The following GNG4 variants were observed in gnomAD, a reference collection of about 807,000 sequenced individuals.
The protein encoded by GNG4 is G protein subunit gamma 4.
In GNG4, 4 loss-of-function variants were observed where a neutral mutation model predicts 5.8. The ratio of observed to expected loss-of-function variants is 0.69; its 90% CI spans 0.34 to 1.57. GNG4 has a LOEUF of 1.57. Ranked by LOEUF, GNG4 falls within the 40% of genes most tolerant of loss-of-function variation. The probability of loss-of-function intolerance (pLI) is 0.06; values close to 1 mark genes in which losing one functional copy is unlikely to be tolerated. For synonymous variants in GNG4, 29 were observed against 32.9 expected (o/e 0.88, Z 0.41); for missense variants, 96 against 95.1 (o/e 1.01, Z -0.04).
rs149772645 is a variant in GNG4, at chr1:235,560,303, G to A, written c.100-8066C>T. ...CTAATGAGAAGTTATTAGGTGATGA[G>A]GGCTCTGTTCTCATGAATGGATTAA... On this transcript the variant is annotated intron_variant, in intron 3 of 3. Coordinates refer to ENST00000391854, the MANE Select transcript of GNG4 (RefSeq NM_001098722.2). Among the ~76,000 whole-genome samples the A allele has an allele frequency of 6.2e-4, 94 of 152,298 alleles. 2 individuals carry two copies. The East Asian group carries it at 0.012, about 19-fold the overall frequency.
intron 2 of GNG4, among the ~76,000 whole-genome samples, chr1:235,594,053 T>C (rs973335418): frequency 2.6e-5 from 4 of 152,262 alleles, no homozygotes; most frequent in Admixed American, 1.3e-4. Flanking sequence ...AGCTGATTGG[T>C]CCGTTTTGAC....
chr1:235,616,072 A>G (rs188980882), intron 1 of GNG4: 11 of 399,070 alleles, frequency 2.8e-5, no homozygotes, highest in Non-Finnish European at 4.9e-5. Flanking sequence ...AGGAGTTCCC[A>G]CATGACTTTG....
intron 2 of GNG4, among the ~76,000 whole-genome samples, chr1:235,587,486 AT>A (rs1687818853): frequency 4.3e-3 from 1 of 232 alleles, no homozygotes. Context: ...GAGAGTGTGG[AT>A]GGGGGGTGGG....
intron 3 of GNG4, among the ~76,000 whole-genome samples, chr1:235,556,077 G>A (rs1243091460): frequency 6.6e-6 from 1 of 151,778 alleles, no homozygotes; most frequent in Non-Finnish European, 1.5e-5. Context: ...ATGTTGGCCG[G>A]GCTGGTCTCG....
chr1:235,592,123 C>T (rs1227435695), intron 2 of GNG4, among the ~76,000 whole-genome samples: 5 of 152,220 alleles, frequency 3.3e-5, no homozygotes, highest in African/African-American at 1.2e-4. Context: ...TTTCAGAAAC[C>T]CGGCCCCCTA....
intron 1 of GNG4, among the ~76,000 whole-genome samples, chr1:235,597,185 T>C (rs1688142922): frequency 6.6e-6 from 1 of 152,244 alleles, no homozygotes; most frequent in South Asian, 2.1e-4. Flanking sequence ...GTTTTCCGAA[T>C]GCTCTGCCCT....
chr1:235,630,231 T>C (rs908623622), intron 1 of GNG4, among the ~76,000 whole-genome samples: 44 of 152,248 alleles, frequency 2.9e-4, no homozygotes, highest in African/African-American at 9.6e-4. Context: ...AAACGCACAC[T>C]CACAAAAGAG....
At chr1:235,557,071 C>T (rs1338712800) in intron 3 of GNG4, among the ~76,000 whole-genome samples, 1 of 152,198 alleles carries the variant, frequency 6.6e-6, no homozygotes, top group East Asian at 1.9e-4. Context: ...CCGCTGCTCA[C>T]TTCCTGCTGT....
At chr1:235,612,063 C>T (rs1441800695) in intron 1 of GNG4, among the ~76,000 whole-genome samples, 3 of 11,160 alleles carry the variant, frequency 2.7e-4, no homozygotes, top group Non-Finnish European at 4.1e-4. Flanking sequence ...GACTTTGTCT[C>T]ACAAAAAAAA....
chr1:235,645,941 G>A (rs1402354812), intron 1 of GNG4, among the ~76,000 whole-genome samples: 1 of 152,152 alleles, frequency 6.6e-6, no homozygotes, highest in African/African-American at 2.4e-5. Flanking sequence ...CTGTACATTA[G>A]GCAGGGGCAC....
chr1:235,579,156 A>T (rs1687559132), intron 3 of GNG4, among the ~76,000 whole-genome samples: 2 of 152,120 alleles, frequency 1.3e-5, no homozygotes, highest in Admixed American at 6.6e-5. Context: ...ATTGCACATC[A>T]TGGTGACTAC....
At chr1:235,624,104 C>CTT (rs34430706) in intron 1 of GNG4, among the ~76,000 whole-genome samples, 9 of 138,872 alleles carry the variant, frequency 6.5e-5, no homozygotes, top group Non-Finnish European at 1.2e-4. Context: ...TGGCCAATTC[C>CTT]TTTTTTTTTT....
chr1:235,550,395 G>C lies in GNG4; in HGVS notation c.*1714C>G, dbSNP rs1287686385. On this transcript the variant is annotated 3_prime_UTR_variant, in exon 4 of 4. Transcript: ENST00000391854. ...ACCTGGAAGGTAGCACAGTTCAGGG[G>C]GCTAAGGGAACTCTGGGGCCGGGCT... The C allele has an allele frequency of 1.3e-5, 2 of 152,372 alleles. No homozygotes were observed. The highest frequency in any genetic ancestry group is 2.9e-5 in the Non-Finnish European group (2 of 68,184). 9.4% of individuals were successfully genotyped at this position (152,372 alleles called of 1,614,324 possible).
intron 3 of GNG4, among the ~76,000 whole-genome samples, chr1:235,562,647 G>GA (rs1286012762): frequency 0.051 from 1,097 of 21,670 alleles, 17 homozygotes; most frequent in African/African-American, 0.15. Context: ...TCTGTCTCAA[G>GA]AAAAAAAAAA....
chr1:235,600,399 G>T (rs1395921823), intron 1 of GNG4, among the ~76,000 whole-genome samples: 1 of 151,374 alleles, frequency 6.6e-6, no homozygotes, highest in Non-Finnish European at 1.5e-5. Flanking sequence ...ACAGGCGTGA[G>T]CCATGGCGCC....
chr1:235,580,754 T>G (rs1029374727), intron 3 of GNG4, among the ~76,000 whole-genome samples: 7 of 147,520 alleles, frequency 4.7e-5, no homozygotes, highest in Non-Finnish European at 1.0e-4. Flanking sequence ...TTGTTTTTTT[T>G]TTTTTTTTTT....
chr1:235,596,192 A>AAAACAAAC (rs61439937), intron 1 of GNG4, among the ~76,000 whole-genome samples: 1 of 143,094 alleles, frequency 7.0e-6, no homozygotes, highest in African/African-American at 2.6e-5. Flanking sequence ...AAACAAAACA[A>AAAACAAAC]AAACAAACAA....
At chr1:235,624,174 C>T (rs1301978856) in intron 1 of GNG4, among the ~76,000 whole-genome samples, 1 of 150,954 alleles carries the variant, frequency 6.6e-6, no homozygotes, top group African/African-American at 2.4e-5. Context: ...GTGATCTTGG[C>T]TCACTGCAAC....
intron 3 of GNG4, among the ~76,000 whole-genome samples, chr1:235,582,297 C>G (rs1258494455): frequency 6.6e-6 from 1 of 152,208 alleles, no homozygotes; most frequent in African/African-American, 2.4e-5. Flanking sequence ...GTGCATGGCG[C>G]CCTCCTCCCA....
Sources: gnomAD v4.1 joint callset for allele counts (sites outside exome capture counted in the v4.1 genomes callset) on GRCh38, gnomAD v4.1.1 for gene constraint, MANE v1.5 for transcripts, NCBI Gene and HGNC (gene_info 2026-07-23, HGNC 2026-07-21) for gene names.